Variants in CFAP53 observed in about 807,000 individuals in gnomAD.
The protein encoded by CFAP53 is cilia- and flagella-associated protein 53.
A neutral mutation model predicts 59.7 loss-of-function variants in CFAP53; 62 were observed. That is an observed-to-expected ratio of 1.04 (90% CI 0.85 to 1.28). CFAP53 has a LOEUF of 1.28. Ranked by LOEUF, CFAP53 falls within the 50% of genes most tolerant of loss-of-function variation. CFAP53 has a pLI of 0.00. For synonymous variants in CFAP53, 218 were observed against 205.7 expected, an observed-to-expected ratio of 1.06 and a Z score of -0.51; for missense variants, 629 against 615.6, an observed-to-expected ratio of 1.02 and a Z score of -0.23.
At chr18:50,238,128 G>C (rs1188058676) in intron 7 of CFAP53, among the ~76,000 whole-genome samples, 1 of 152,116 alleles carries the variant, frequency 6.6e-6, no homozygotes, top group East Asian at 1.9e-4. Flanking sequence ...CAAGACAGTT[G>C]GTGCCTACTT....
chr18:50,255,575 A>AT (rs1422801086), intron 3 of CFAP53, among the ~76,000 whole-genome samples: 1 of 79,194 alleles, frequency 1.3e-5, no homozygotes, highest in Non-Finnish European at 3.0e-5. Context: ...AAAATTAAAT[A>AT]CAAAAAAAAA....
chr18:50,265,443 A>T (rs992810366), intron 1 of CFAP53, among the ~76,000 whole-genome samples: 4 of 152,238 alleles, frequency 2.6e-5, no homozygotes, highest in African/African-American at 9.6e-5. Flanking sequence ...CCAAAAAAAA[A>T]ATCTGAAATC....
Position 50,229,546 on chromosome 18 carries a change from C to T in CFAP53, c.1317-1937G>A, listed in dbSNP as rs546460957. Among the ~76,000 whole-genome samples the T allele has an allele frequency of 3.9e-5, 6 of 152,230 alleles. No homozygotes were observed. The South Asian group carries it at 1.2e-3, about 32-fold the overall frequency. On this transcript the variant is annotated intron_variant, in intron 7 of 7. Transcript: ENST00000398545. ...ACTGTGAATAGTGCTATGAATATTT[C>T]TGTGCAAATATCTCTTCAAGACCCT...
chr18:50,228,932 T>C (rs1207701323), intron 7 of CFAP53, among the ~76,000 whole-genome samples: 3 of 151,684 alleles, frequency 2.0e-5, no homozygotes, highest in Non-Finnish European at 4.4e-5. Context: ...AGACCTGATC[T>C]GTACAAAAAA....
At chr18:50,246,846 G>A (rs543073862) in intron 5 of CFAP53, among the ~76,000 whole-genome samples, 60 of 152,012 alleles carry the variant, frequency 3.9e-4, no homozygotes, top group African/African-American at 1.4e-3. Context: ...AGGAGTTCAA[G>A]ACCAGCCTGG....
intron 7 of CFAP53, among the ~76,000 whole-genome samples, chr18:50,229,315 TA>T (rs2033557334): frequency 6.6e-6 from 1 of 152,224 alleles, no homozygotes; most frequent in African/African-American, 2.4e-5. Context: ...ATATGTCTCA[TA>T]AAAGTAGAAT....
In CFAP53 at chr18:50,250,964, C is replaced by G. The variant is rs182510616; in HGVS notation, c.790G>C (p.Ala264Pro). The stretch of plus-strand genomic sequence containing the variant: ...TGTTCATTCTCATGTTTAATCTGTG[C>G]GTTGTTACTTTCCTAAGGTAGAATC... The part of the protein sequence containing the change: ...EEARLVESNN[A>P]QIKHENEQDM... The change falls in exon 5 of 8, where the codon GCA becomes CCA. Residue 264 changes from alanine (A) to proline (P), a missense_variant. Ala to Pro is a conservative substitution (Grantham distance 27, BLOSUM62 -1). Transcript: ENST00000398545. 1.2e-6 allele frequency: 2 copies of G among 1,613,526 alleles called. No individual in the cohort carries two copies. Among genetic ancestry groups the G allele is most frequent in the African/African-American group, 2.7e-5 (2 of 74,866 alleles).
chr18:50,243,901 G>A (rs1272107872), intron 5 of CFAP53, among the ~76,000 whole-genome samples: 2 of 151,166 alleles, frequency 1.3e-5, no homozygotes, highest in African/African-American at 4.9e-5. Flanking sequence ...GCAGTGAGCC[G>A]AGATCGTGCC....
chr18:50,237,029 A>G (rs1453655474), intron 7 of CFAP53, among the ~76,000 whole-genome samples: 2 of 151,738 alleles, frequency 1.3e-5, no homozygotes, highest in Non-Finnish European at 2.9e-5. Context: ...GAAAGAGGCC[A>G]GGCGCAGTGG....
intron 7 of CFAP53, among the ~76,000 whole-genome samples, chr18:50,230,040 G>A (rs1418891951): frequency 6.6e-6 from 1 of 152,122 alleles, no homozygotes. Flanking sequence ...TTACAGGCAT[G>A]ACCCACCATG....
intron 1 of CFAP53, among the ~76,000 whole-genome samples, chr18:50,264,484 T>TTCCTAGGAGTGTC (rs1323386031): frequency 2.0e-5 from 3 of 152,188 alleles, no homozygotes; most frequent in Admixed American, 6.5e-5. Flanking sequence ...TCCTAATGGA[T>TTCCTAGGAGTGTC]TCCTAGGAGA....
intron 5 of CFAP53, among the ~76,000 whole-genome samples, chr18:50,247,534 T>C (rs1196137159): frequency 6.6e-6 from 1 of 152,222 alleles, no homozygotes; most frequent in African/African-American, 2.4e-5. Context: ...TTATTCATGA[T>C]AGCCAAAAAG....
At chr18:50,237,575 A>G (rs971475171) in intron 7 of CFAP53, among the ~76,000 whole-genome samples, 1 of 151,686 alleles carries the variant, frequency 6.6e-6, no homozygotes, top group African/African-American at 2.4e-5. Context: ...AAGTGTGAGT[A>G]AGTCAAAGGA....
intron 3 of CFAP53, 80 bp from the exon 4 acceptor site, chr18:50,251,864 C>T: frequency 8.1e-7 from 1 of 1,228,274 alleles, no homozygotes. Context: ...TGTACAATCA[C>T]ACAATGAAGC....
At position 50,250,912 on chromosome 18, in the gene CFAP53, T is replaced by G; in HGVS notation, c.842A>C (p.Lys281Thr). Residue 281 changes from lysine (K) to threonine (T), a missense_variant, in exon 5 of 8, where the codon AAG becomes ACG. Lys to Thr is a moderately conservative substitution (Grantham distance 78, BLOSUM62 -1). Transcript: ENST00000398545. Reference protein sequence around the residue: ...EQDMLKKQKAKQETRTILQKA... With the variant: ...EQDMLKKQKATQETRTILQKA... ...TTGCAAAATGGTCCTAGTTTCCTGC[T>G]TTGCCTTCTGTTTCTTTAGCATATC... is the stretch of plus-strand genomic sequence containing the variant. The G allele has an allele frequency of 6.2e-7, 1 of 1,614,244 alleles. No homozygotes were observed. Among genetic ancestry groups the G allele is most frequent in the Non-Finnish European group, 8.5e-7 (1 of 1,180,052 alleles).
rs1013992674 is a variant in CFAP53 at position 50,259,476 on chromosome 18, A to C, written c.473+1588T>G. Among the ~76,000 whole-genome samples the C allele has an allele frequency of 6.0e-5, 6 of 100,698 alleles. 1 individual carries two copies. In the South Asian group the frequency reaches 1.6e-3, roughly 27 times the overall value. The allele number at this position is 100,698 out of a possible 152,430, so 66.1% of individuals were successfully genotyped here. A position where few individuals can be genotyped will look rare whatever the true frequency, so the allele number is the denominator to read the frequency against. Reference sequence around the variant, plus strand: ...AAGGATAGTGGGGGGTTGGGGGTGGAGGTGGGGACAGTTAATGGGTACCAA... The same window carrying C: ...AAGGATAGTGGGGGGTTGGGGGTGGCGGTGGGGACAGTTAATGGGTACCAA... On this transcript the variant is annotated intron_variant, in intron 3 of 7. Coordinates refer to ENST00000398545, the MANE Select transcript of CFAP53 (RefSeq NM_145020.5).
At chr18:50,254,452 A>AAAAAC (rs1206113429) in intron 3 of CFAP53, among the ~76,000 whole-genome samples, 8 of 152,228 alleles carry the variant, frequency 5.3e-5, no homozygotes, top group African/African-American at 1.4e-4. Context: ...AGCTAAAAAT[A>AAAAAC]AAAACAAAAC....
At chr18:50,261,426 G>T (rs1227410091) in intron 2 of CFAP53, among the ~76,000 whole-genome samples, 189 bp from the exon 3 acceptor site, 2 of 152,020 alleles carry the variant, frequency 1.3e-5, no homozygotes, top group Non-Finnish European at 2.9e-5. Context: ...ACAGGATCTC[G>T]CTCTGTCACC....
chr18:50,233,231 AAG>A (rs2033599047), intron 7 of CFAP53, among the ~76,000 whole-genome samples: 1 of 152,226 alleles, frequency 6.6e-6, no homozygotes, highest in Non-Finnish European at 1.5e-5. Context: ...AAAAAGGTAA[AAG>A]AGGTTTTGTT....
Sources: allele counts gnomAD v4.1 joint callset (sites outside exome capture counted in the v4.1 genomes callset), GRCh38; gene constraint gnomAD v4.1.1; transcripts MANE v1.5; gene names NCBI Gene and HGNC (gene_info 2026-07-23, HGNC 2026-07-21).